The following CERK variants were observed in gnomAD, a reference collection of about 807,000 sequenced individuals.
The protein encoded by CERK is acylsphingosine kinase.
CERK carries 39 observed loss-of-function variants against 63.4 expected under a neutral mutation model. The ratio of observed to expected loss-of-function variants is 0.61; its 90% CI spans 0.48 to 0.80. The LOEUF (loss-of-function observed/expected upper bound fraction) is 0.80, where lower values mean the gene tolerates loss of function less well. CERK is among the 30% of genes least tolerant of loss of function. CERK has a pLI of 0.00. For missense variants in CERK, 670 were observed against 714.1 expected (o/e 0.94, Z 0.70); for synonymous variants, 302 against 280.0 (o/e 1.08, Z -0.78).
intron 1 of CERK, among the ~76,000 whole-genome samples, chr22:46,724,861 T>C (rs2082910354): frequency 6.6e-6 from 1 of 151,854 alleles, no homozygotes; most frequent in South Asian, 2.1e-4. Flanking sequence ...CTACTAAAAA[T>C]ACACAAAAAA....
intron 1 of CERK, among the ~76,000 whole-genome samples, chr22:46,731,406 C>A (rs779578864): frequency 6.6e-6 from 1 of 152,212 alleles, no homozygotes; most frequent in Non-Finnish European, 1.5e-5. Flanking sequence ...CCCACCCACC[C>A]GGCAATGACA....
intron 6 of CERK, among the ~76,000 whole-genome samples, chr22:46,703,467 C>T (rs1344902070): frequency 2.0e-5 from 3 of 152,202 alleles, no homozygotes; most frequent in Non-Finnish European, 2.9e-5. Flanking sequence ...CCGTGCGCAT[C>T]CAGGCGGCCT....
chr22:46,700,118 G>A (rs569408721), intron 7 of CERK, among the ~76,000 whole-genome samples: 3 of 151,680 alleles, frequency 2.0e-5, no homozygotes, highest in South Asian at 4.2e-4. Flanking sequence ...GGCCAGGTGC[G>A]GTGGCCCGCG....
At chr22:46,725,368 C>T (rs969325583) in intron 1 of CERK, among the ~76,000 whole-genome samples, 54 of 151,596 alleles carry the variant, frequency 3.6e-4, no homozygotes, top group African/African-American at 1.1e-3. Flanking sequence ...GTCATGTGGA[C>T]GGCAGTGGGA....
At chr22:46,702,272 T>A (rs1199810153) in intron 6 of CERK, among the ~76,000 whole-genome samples, 3 of 143,648 alleles carry the variant, frequency 2.1e-5, no homozygotes, top group Non-Finnish European at 4.5e-5. Context: ...TGTGTGAACA[T>A]TTACAATTAT....
chr22:46,698,005 G>A (rs971835921), intron 8 of CERK, among the ~76,000 whole-genome samples: 7 of 152,222 alleles, frequency 4.6e-5, no homozygotes, highest in Non-Finnish European at 8.8e-5. Flanking sequence ...CGGGAGCCTG[G>A]AGGACCTGCA....
chr22:46,720,037 G>A, intron 3 of CERK, 49 bp downstream of exon 3: 2 of 1,596,670 alleles, frequency 1.3e-6, no homozygotes, highest in Non-Finnish European at 1.7e-6. Flanking sequence ...AATCAGGCAT[G>A]CGCATGCCAC....
chr22:46,730,028 G>C (rs1009452269), intron 1 of CERK, among the ~76,000 whole-genome samples: 2 of 147,812 alleles, frequency 1.4e-5, no homozygotes, highest in Admixed American at 7.0e-5. Context: ...GACAGATCGA[G>C]ACTCCATCTC....
In CERK at chr22:46,691,634, G is replaced by A. The variant is rs139062049; in HGVS notation, c.1270C>T (p.Arg424Trp). Reference protein sequence around the residue: ...GDGSSDLILIRKCSRFNFLRF... With the variant: ...GDGSSDLILIWKCSRFNFLRF... ...AGAAAATTGAACCTGGAGCATTTCC[G>A]GATGAGGATGAGGTCAGAAGACCCG... The change falls in exon 11 of 13, where the codon CGG becomes TGG. Residue 424 changes from arginine (R) to tryptophan (W), a missense_variant. Arg to Trp is a moderately radical substitution (Grantham distance 101). Transcript: ENST00000216264. 37 of 1,613,980 alleles carry A rather than the reference G, an allele frequency of 2.3e-5. No individual in the cohort carries two copies. The African/African-American group carries it at 3.7e-4, about 16-fold the overall frequency.
intron 7 of CERK, among the ~76,000 whole-genome samples, chr22:46,701,390 G>A (rs2082782910): frequency 1.3e-5 from 2 of 152,274 alleles, no homozygotes; most frequent in South Asian, 4.1e-4. Context: ...GCATGTGGTG[G>A]ATTCCGTGGG....
chr22:46,712,598 G>T (rs1293660707), intron 3 of CERK, among the ~76,000 whole-genome samples: 1 of 152,210 alleles, frequency 6.6e-6, no homozygotes, highest in African/African-American at 2.4e-5. Flanking sequence ...GGGTACACAT[G>T]CTGGGGGCAG....
intron 8 of CERK, among the ~76,000 whole-genome samples, chr22:46,697,243 G>C (rs1181524460): frequency 6.6e-6 from 1 of 152,158 alleles, no homozygotes; most frequent in African/African-American, 2.4e-5. Context: ...TAAAGAGGCG[G>C]GAAAGTCGAC....
chr22:46,728,219 C>T (rs1464674497), intron 1 of CERK, among the ~76,000 whole-genome samples: 1 of 152,130 alleles, frequency 6.6e-6, no homozygotes, highest in Non-Finnish European at 1.5e-5. Context: ...ATCAGCCTCC[C>T]GTCCTAGGGA....
chr22:46,699,319 A>G lies in CERK; in HGVS notation c.937T>C (p.Phe313Leu). The change falls in exon 8 of 13, where the codon TTT becomes CTT. Residue 313 changes from phenylalanine to leucine, a missense_variant. Phe to Leu is a conservative substitution (Grantham distance 22). Coordinates refer to ENST00000216264, the MANE Select transcript of CERK (RefSeq NM_022766.6). Reference sequence around the variant, plus strand: ...CTGCATTATTCTGAGTTACCTGAAAAGTCGTATCTGGCAAGACCCAACCAC... The same window carrying G: ...CTGCATTATTCTGAGTTACCTGAAAGGTCGTATCTGGCAAGACCCAACCAC... Reference protein sequence around the residue: ...KRWLGLARYDFSGLKTFLSHH... With the variant: ...KRWLGLARYDLSGLKTFLSHH... 6.2e-7 allele frequency: 1 copy of G among 1,614,142 alleles called. No individual in the cohort carries two copies. The highest frequency in any genetic ancestry group is 8.5e-7 in the Non-Finnish European group (1 of 1,180,004).
Position 46,705,344 on chromosome 22 carries a change from A to G in CERK, c.715+2499T>C, listed in dbSNP as rs116211903. 4.7e-3 allele frequency among the ~76,000 whole-genome samples: 712 copies of G among 152,314 alleles called. 4 individuals carry two copies. The highest frequency in any genetic ancestry group is 0.016 in the African/African-American group (683 of 41,564). ...ACTTGTGGCCATAGGGAGACAGTGC[A>G]AGGCCATCAACATTGGTTGTCTGGG... On this transcript the variant is annotated intron_variant, in intron 6 of 12. Transcript: ENST00000216264.
At chr22:46,697,129 G>A (rs562849619) in intron 8 of CERK, among the ~76,000 whole-genome samples, 30 of 152,050 alleles carry the variant, frequency 2.0e-4, no homozygotes, top group Non-Finnish European at 4.1e-4. Context: ...TTCAAGCTTC[G>A]TAAAGTTTGC....
At chr22:46,720,421 T>C (rs2082886433) in intron 2 of CERK, among the ~76,000 whole-genome samples, 1 of 152,198 alleles carries the variant, frequency 6.6e-6, no homozygotes, top group Non-Finnish European at 1.5e-5. Context: ...AAGGGCTGGC[T>C]GTGATGACTC....
chr22:46,726,885 G>A (rs987160902), intron 1 of CERK, among the ~76,000 whole-genome samples: 3 of 152,148 alleles, frequency 2.0e-5, no homozygotes, highest in Admixed American at 2.0e-4. Flanking sequence ...CCTGAGCTGC[G>A]ACTTATCCAG....
At chr22:46,730,696 C>A (rs545649706) in intron 1 of CERK, among the ~76,000 whole-genome samples, 20 of 152,286 alleles carry the variant, frequency 1.3e-4, no homozygotes, top group Non-Finnish European at 2.5e-4. Context: ...TTAAGTGAAG[C>A]CCTGGACGTC....
Sources: gnomAD v4.1 joint callset for allele counts (sites outside exome capture counted in the v4.1 genomes callset) on GRCh38, gnomAD v4.1.1 for gene constraint, MANE v1.5 for transcripts, NCBI Gene and HGNC (gene_info 2026-07-23, HGNC 2026-07-21) for gene names.